Variants in XYLT1 observed in about 807,000 individuals in gnomAD.
XYLT1 encodes the protein xylosyltransferase 1, also known as beta-D-xylosyltransferase 1.
In XYLT1, 36 loss-of-function variants were observed where a neutral mutation model predicts 91.3. The observed-to-expected ratio is 0.39, with a 90% confidence interval of 0.30 to 0.52. The LOEUF is 0.52. Among genes scored for constraint, XYLT1 ranks in the 20% least tolerant of loss-of-function variants. XYLT1 has a pLI of 0.68. For synonymous variants in XYLT1, 588 were observed against 532.0 expected (o/e 1.11, Z -1.45); for missense variants, 1,242 against 1,284.5 (o/e 0.97, Z 0.51).
At chr16:17,437,221 A>C (rs1437044621) in intron 1 of XYLT1, among the ~76,000 whole-genome samples, 4 of 152,214 alleles carry the variant, frequency 2.6e-5, no homozygotes, top group African/African-American at 9.7e-5. Flanking sequence ...AAGAAAAAAA[A>C]CGATGCTTGC....
intron 2 of XYLT1, among the ~76,000 whole-genome samples, chr16:17,320,922 G>A (rs558949072): frequency 2.0e-5 from 3 of 152,074 alleles, no homozygotes; most frequent in Non-Finnish European, 2.9e-5. Flanking sequence ...TAAAATATAC[G>A]TAAGGCACTT....
intron 2 of XYLT1, among the ~76,000 whole-genome samples, chr16:17,273,981 G>A (rs1369051427): frequency 1.3e-5 from 2 of 150,762 alleles, no homozygotes; most frequent in Admixed American, 6.6e-5. Context: ...GCATGATCTC[G>A]GCTCACTGCA....
intron 5 of XYLT1, among the ~76,000 whole-genome samples, chr16:17,191,108 C>T (rs1298689361): frequency 6.6e-6 from 1 of 152,038 alleles, no homozygotes; most frequent in African/African-American, 2.4e-5. Context: ...TAGTGATAAG[C>T]AGAAAAGAGG....
chr16:17,441,231 T>G (rs980795059), intron 1 of XYLT1, among the ~76,000 whole-genome samples: 1 of 151,950 alleles, frequency 6.6e-6, no homozygotes, highest in African/African-American at 2.4e-5. Context: ...AAATTATCAT[T>G]TATTGTTATT....
At chr16:17,326,971 C>T (rs2034813535) in intron 2 of XYLT1, among the ~76,000 whole-genome samples, 2 of 152,130 alleles carry the variant, frequency 1.3e-5, no homozygotes, top group South Asian at 2.1e-4. Flanking sequence ...CTGCACAGGC[C>T]GCATGTCCAT....
rs572912803 is a variant in XYLT1, at chr16:17,399,328, G to A, written c.364-41278C>T. On this transcript the variant is annotated intron_variant, in intron 1 of 11. Transcript: ENST00000261381. ...GGGTTCTCCCTGGCCTTTCTGGGCA[G>A]AATGAGAGTCCCCAGAGGTTCTGGT... 1.8e-4 allele frequency among the ~76,000 whole-genome samples: 27 copies of A among 152,304 alleles called. 1 individual carries two copies. Among genetic ancestry groups the A allele is most frequent in the Middle Eastern group, 3.4e-3 (1 of 294 alleles).
At chr16:17,416,270 G>A (rs868514732) in intron 1 of XYLT1, among the ~76,000 whole-genome samples, 4 of 152,234 alleles carry the variant, frequency 2.6e-5, no homozygotes, top group Non-Finnish European at 4.4e-5. Context: ...GAGACTCCAC[G>A]GCGATGCTAT....
intron 9 of XYLT1, among the ~76,000 whole-genome samples, chr16:17,133,297 C>CTAAAAAAAAAAGATGCTATGT: frequency 6.7e-6 from 1 of 149,588 alleles, no homozygotes; most frequent in Non-Finnish European, 1.5e-5. Context: ...GAGACTGACG[C>CTAAAAAAAAAAGATGCTATGT]TAAAAAAAAA....
Position 17,312,655 on chromosome 16 carries a change from A to G in XYLT1, c.402+45357T>C, listed in dbSNP as rs2034568264. Among the ~76,000 whole-genome samples the G allele has an allele frequency of 6.6e-6, 1 of 152,142 alleles. No homozygotes were observed. The highest frequency in any genetic ancestry group is 1.5e-5 in the Non-Finnish European group (1 of 68,028). ...TTGTTTTTGTTTTCACCCATTTTCA[A>G]CATACTCATGTGTGTATCCGTGATT... On this transcript the variant is annotated intron_variant, in intron 2 of 11. Coordinates refer to ENST00000261381, the MANE Select transcript of XYLT1 (RefSeq NM_022166.4). The surrounding 1 kb of genome is among the most constrained non-coding windows in gnomAD (Gnocchi z 4.4).
At chr16:17,264,071 C>T (rs527444950) in intron 2 of XYLT1, among the ~76,000 whole-genome samples, 1 of 152,280 alleles carries the variant, frequency 6.6e-6, no homozygotes, top group South Asian at 2.1e-4. Flanking sequence ...ATAGTCAACA[C>T]TATAGTACTA....
chr16:17,198,065 A>AATGATTCTCAGGTCC, intron 5 of XYLT1, 147 bp downstream of exon 5: 1 of 803,102 alleles, frequency 1.2e-6, no homozygotes, highest in Non-Finnish European at 2.0e-6. Flanking sequence ...TGAATGAATC[A>AATGATTCTCAGGTCC]ATGATTCTCA....
rs377604636 is a variant in XYLT1, at chr16:17,315,970, C to T, written c.402+42042G>A. ...GATGATCTGTAAAGTCCCTAGAAGA[C>T]GCCAGGAGAAGCTTAGGAAATTGCA... On this transcript the variant is annotated intron_variant, in intron 2 of 11. Coordinates refer to ENST00000261381, the MANE Select transcript of XYLT1 (RefSeq NM_022166.4). 1.5e-3 allele frequency among the ~76,000 whole-genome samples: 232 copies of T among 152,232 alleles called. 1 individual carries two copies. The highest frequency in any genetic ancestry group is 5.2e-3 in the African/African-American group (216 of 41,524).
chr16:17,305,417 CTTTTTTTT>C (rs35534038), intron 2 of XYLT1, among the ~76,000 whole-genome samples: 13 of 130,164 alleles, frequency 1.0e-4, no homozygotes, highest in Non-Finnish European at 2.1e-4. Context: ...TCTTCTTCTT[CTTTTTTTT>C]TTTTTTTTGA....
chr16:17,133,033 T>C (rs555173269), intron 9 of XYLT1, among the ~76,000 whole-genome samples: 2 of 152,176 alleles, frequency 1.3e-5, no homozygotes, highest in Non-Finnish European at 2.9e-5. Context: ...CTCAGAGAGA[T>C]GAATGACTTG....
chr16:17,159,638 T>C (rs2031498740), intron 5 of XYLT1, among the ~76,000 whole-genome samples: 1 of 152,232 alleles, frequency 6.6e-6, no homozygotes, highest in Non-Finnish European at 1.5e-5. Context: ...AATGCATCAA[T>C]GAATGGACGG....
Position 17,259,257 on chromosome 16 carries a change from T to A in XYLT1, c.644A>T (p.Glu215Val), listed in dbSNP as rs2033683835. The stretch of plus-strand genomic sequence containing the variant: ...GGCTCTGTCCCCGGGAGGCAGCACC[T>A]CACCGGGGCCTTTCCCAGGGAATGT... ...GHTFPGKGPG[E>V]VLPPGDRAAA... Residue 215 changes from glutamate to valine, a missense_variant, in exon 3 of 12, where the codon GAG (glutamate) becomes GTG (valine). Transcript: ENST00000261381. 6.2e-7 allele frequency: 1 copy of A among 1,613,940 alleles called. No homozygotes were observed. The highest frequency in any genetic ancestry group is 8.5e-7 in the Non-Finnish European group (1 of 1,180,004).
intron 2 of XYLT1, chr16:17,338,046 G>A (rs2035012032): frequency 5.1e-6 from 2 of 389,104 alleles, no homozygotes; most frequent in Admixed American, 5.6e-5. Context: ...GGGATTATAG[G>A]CGTGAGCCAC....
chr16:17,155,772 G>A (rs1349254939), intron 6 of XYLT1, among the ~76,000 whole-genome samples: 4 of 152,202 alleles, frequency 2.6e-5, no homozygotes. Context: ...AGAGGCCTTT[G>A]GGTTTTAGGG....
At chr16:17,215,643 G>A (rs2032841850) in intron 3 of XYLT1, among the ~76,000 whole-genome samples, 3 of 152,170 alleles carry the variant, frequency 2.0e-5, no homozygotes, top group Admixed American at 6.5e-5. Context: ...AACTCAAGGA[G>A]GCCAGGGATG....
Sources: gnomAD v4.1 joint callset for allele counts (sites outside exome capture counted in the v4.1 genomes callset) on GRCh38, gnomAD v4.1.1 for gene constraint, Gnocchi (gnomAD v3.1) non-coding constraint, MANE v1.5 for transcripts, NCBI Gene and HGNC (gene_info 2026-07-23, HGNC 2026-07-21) for gene names.